Variants in SHISA5 observed in about 807,000 individuals in gnomAD.
SHISA5 encodes the protein shisa family member 5, also known as protein shisa-5.
Under a neutral mutation model 27.5 loss-of-function variants are expected in SHISA5, and 21 were observed. The ratio of observed to expected loss-of-function variants is 0.76; its 90% confidence interval spans 0.54 to 1.10. SHISA5 has a LOEUF of 1.10. Among genes scored for constraint, SHISA5 ranks in the 50% least tolerant of loss-of-function variants. The pLI, the probability that SHISA5 is intolerant of heterozygous loss-of-function variation, is 0.00. For synonymous variants in SHISA5, 137 were observed against 142.2 expected (o/e 0.96, Z 0.26); for missense variants, 314 against 336.3 (o/e 0.93, Z 0.52).
intron 2 of SHISA5, among the ~76,000 whole-genome samples, chr3:48,480,909 A>C (rs2040987176): frequency 1.3e-5 from 2 of 152,122 alleles, no homozygotes; most frequent in South Asian, 4.1e-4. Flanking sequence ...AGCCTGGCCA[A>C]TATGGTAAAA....
At chr3:48,488,446 C>T (rs2041318146) in intron 2 of SHISA5, among the ~76,000 whole-genome samples, 1 of 150,874 alleles carries the variant, frequency 6.6e-6, no homozygotes, top group African/African-American at 2.4e-5. Context: ...CCAGGATGGT[C>T]TTGATCTCCT....
In SHISA5 at chr3:48,479,219, G is replaced by T. The variant is rs145843526; in HGVS notation, c.272C>A (p.Ser91Ter). The change falls in exon 3 of 6, where the codon TCG becomes TAG. Residue 91 changes from serine (S) to a stop codon, truncating the protein, a stop_gained. Coordinates refer to ENST00000296444, the MANE Select transcript of SHISA5 (RefSeq NM_016479.6). LOFTEE classifies it high-confidence loss of function. ...GTAGCCAGGGCGAAACCTCAGCGCC[G>T]AGCCCAGCTGCTCCACCGGCTCTAC... is the stretch of plus-strand genomic sequence containing the variant. ...ASVEPVEQLG[S>*]ALRFRPGYND... 411 of 1,513,362 alleles carry T rather than the reference G, an allele frequency of 2.7e-4. 1 individual carries two copies. In the African/African-American group the frequency reaches 5.9e-3, roughly 22 times the overall value. The allele number at this position is 1,513,362 out of a possible 1,614,324, so 93.7% of individuals were successfully genotyped here.
At chr3:48,478,583 G>A (rs183554610) in intron 3 of SHISA5, among the ~76,000 whole-genome samples, 4 of 152,188 alleles carry the variant, frequency 2.6e-5, no homozygotes, top group Non-Finnish European at 2.9e-5. Context: ...AACACAGGCC[G>A]GAGCCCAGCC....
Position 48,470,573 on chromosome 3 carries a change from G to A in SHISA5, c.315-730C>T, listed in dbSNP as rs1168413100. Among the ~76,000 whole-genome samples the A allele has an allele frequency of 6.6e-6, 1 of 152,222 alleles. No homozygotes were observed. The highest frequency in any genetic ancestry group is 1.5e-5 in the Non-Finnish European group (1 of 68,034). ...CAAGGGGAGGACACAGAGGCCTGGA[G>A]GCAGGAGGCCAGAGGGCCTGCCCTT... On this transcript the variant is annotated intron_variant, in intron 3 of 5. Coordinates refer to ENST00000296444, the MANE Select transcript of SHISA5 (RefSeq NM_016479.6). The surrounding 1 kb of genome is among the most constrained non-coding windows in gnomAD (Gnocchi z 4.3).
intron 3 of SHISA5, chr3:48,477,105 A>G (rs1208302057): frequency 5.1e-5 from 11 of 216,254 alleles, no homozygotes; most frequent in East Asian, 4.7e-4. Context: ...TAACATTGAG[A>G]AAAAAAAAAA....
Position 48,468,340 on chromosome 3 carries a change from CCAGCAAGGG to C in SHISA5, c.*758_*766del. ...CTGCTCACCTGTGGGAAGGGCAGGGCCAGCAAGGGCAGCAGAGCTCCCTGGGGGCAGCTA... is the reference window on the plus strand; with the variant it reads ...CTGCTCACCTGTGGGAAGGGCAGGGCCAGCAGAGCTCCCTGGGGGCAGCTA... On this transcript the variant is annotated 3_prime_UTR_variant, in exon 6 of 6. Coordinates refer to ENST00000296444, the MANE Select transcript of SHISA5 (RefSeq NM_016479.6). 1 of 1,048,118 alleles carries C rather than the reference CCAGCAAGGG, an allele frequency of 9.5e-7. No homozygotes were observed. The highest frequency in any genetic ancestry group is 1.2e-6 in the Non-Finnish European group (1 of 867,174). The allele number at this position is 1,048,118 out of a possible 1,614,324, so 64.9% of individuals were successfully genotyped here.
intron 2 of SHISA5, among the ~76,000 whole-genome samples, chr3:48,480,523 G>C (rs11709546): frequency 3.9e-5 from 6 of 152,048 alleles, no homozygotes; most frequent in South Asian, 2.1e-4. Flanking sequence ...GAAATGGGGG[G>C]GCCGAGGAGG....
intron 2 of SHISA5, chr3:48,479,539 A>C (rs2040934659): frequency 2.2e-6 from 1 of 445,538 alleles, no homozygotes; most frequent in Admixed American, 3.8e-5. Flanking sequence ...ATCTTCTCTG[A>C]CCACAACAGG....
intron 3 of SHISA5, chr3:48,476,755 C>A (rs2040839278): frequency 1.1e-5 from 2 of 182,172 alleles, no homozygotes; most frequent in Admixed American, 6.1e-5. Flanking sequence ...TGAGCTGGGG[C>A]TCAGAACAAA....
intron 2 of SHISA5, among the ~76,000 whole-genome samples, chr3:48,483,137 G>A (rs1401613265): frequency 1.3e-5 from 2 of 151,730 alleles, no homozygotes; most frequent in African/African-American, 4.9e-5. Flanking sequence ...TTCTCGCAGA[G>A]GGGGATTTGG....
chr3:48,489,039 G>A (rs936639387), intron 2 of SHISA5, among the ~76,000 whole-genome samples: 14 of 152,194 alleles, frequency 9.2e-5, no homozygotes, highest in Admixed American at 5.2e-4. Context: ...GGAGAAAGGG[G>A]ATGAAGTGAA....
intron 2 of SHISA5, among the ~76,000 whole-genome samples, chr3:48,488,963 G>A (rs972103035): frequency 2.0e-5 from 3 of 152,030 alleles, no homozygotes; most frequent in Non-Finnish European, 4.4e-5. Flanking sequence ...CAAAAACTGC[G>A]AGGTAAGGAG....
At chr3:48,472,820 C>G (rs1367831209) in intron 3 of SHISA5, among the ~76,000 whole-genome samples, 1 of 152,208 alleles carries the variant, frequency 6.6e-6, no homozygotes, top group African/African-American at 2.4e-5. Context: ...CCAGGCCGTC[C>G]AGGACAAGGC....
At chr3:48,498,238 C>G (rs769308203) in intron 2 of SHISA5, among the ~76,000 whole-genome samples, 1 of 152,152 alleles carries the variant, frequency 6.6e-6, no homozygotes, top group Non-Finnish European at 1.5e-5. Context: ...ATGAAAAAGC[C>G]ACAGCTGACA....
chr3:48,472,996 G>A, intron 3 of SHISA5: 4 of 1,535,572 alleles, frequency 2.6e-6, no homozygotes, highest in Non-Finnish European at 3.5e-6. Context: ...ACGCAGCATG[G>A]CGCCCAAGCT....
In SHISA5 at chr3:48,469,144, T is replaced by C; in HGVS notation, c.686A>G (p.Asn229Ser). 2 of 1,612,852 alleles carry C rather than the reference T, an allele frequency of 1.2e-6. No individual in the cohort carries two copies. Among genetic ancestry groups the C allele is most frequent in the Non-Finnish European group, 1.7e-6 (2 of 1,179,946 alleles). ...APYPASQPPY[N>S]PAYMDAPKAA... The stretch of plus-strand genomic sequence containing the variant: ...CTTCGGGGCATCCATGTAGGCCGGG[T>C]TGTAAGGAGGCTGGCTGGCGGGGTA... Residue 229 changes from asparagine to serine, a missense_variant, in exon 6 of 6, where the codon AAC (asparagine) becomes AGC (serine). Coordinates refer to ENST00000296444, the MANE Select transcript of SHISA5 (RefSeq NM_016479.6). This position sits in a 1 kb window ranked among gnomAD's most constrained non-coding sequence, Gnocchi z 4.6.
At chr3:48,503,758 G>A (rs1454679112) in intron 1 of SHISA5, 13 of 1,230,998 alleles carry the variant, frequency 1.1e-5, no homozygotes, top group East Asian at 3.3e-5. Flanking sequence ...GAACATGGGC[G>A]GGAGGGCAGA....
intron 2 of SHISA5, among the ~76,000 whole-genome samples, chr3:48,481,821 A>G (rs1053771787): frequency 6.6e-6 from 1 of 151,794 alleles, no homozygotes; most frequent in African/African-American, 2.4e-5. Context: ...TAATCCCAGC[A>G]CTTTGGGAGG....
chr3:48,468,670 G>A lies in SHISA5; in HGVS notation c.*437C>T. 2 of 1,217,498 alleles carry A rather than the reference G, an allele frequency of 1.6e-6. No homozygotes were observed. Among genetic ancestry groups the A allele is most frequent in the Non-Finnish European group, 2.1e-6 (2 of 956,196 alleles). 75.4% of individuals were successfully genotyped at this position (1,217,498 alleles called of 1,614,324 possible). A position where few individuals can be genotyped will look rare whatever the true frequency, so the allele number is the denominator to read the frequency against. The stretch of plus-strand genomic sequence containing the variant: ...GCCTCAAGCAGCAGCTGGCTACGCT[G>A]CCGAAACCAGGACACATCTGCATCA... On this transcript the variant is annotated 3_prime_UTR_variant, in exon 6 of 6. Coordinates refer to ENST00000296444, the MANE Select transcript of SHISA5 (RefSeq NM_016479.6).
Sources: gnomAD v4.1 joint callset for allele counts (sites outside exome capture counted in the v4.1 genomes callset) on GRCh38, gnomAD v4.1.1 for gene constraint, Gnocchi (gnomAD v3.1) non-coding constraint, MANE v1.5 for transcripts, NCBI Gene and HGNC (gene_info 2026-07-23, HGNC 2026-07-21) for gene names.